PIK3AP1: variants seen among roughly 807,000 people sequenced by gnomAD.
The protein encoded by PIK3AP1 is phosphoinositide-3-kinase adaptor protein 1.
PIK3AP1 carries 21 observed loss-of-function variants against 88.1 expected under a neutral mutation model. That is an observed-to-expected ratio of 0.24 (90% CI 0.17 to 0.34). The LOEUF (loss-of-function observed/expected upper bound fraction) is 0.34, where lower values mean the gene tolerates loss of function less well. PIK3AP1 is among the 10% of genes least tolerant of loss of function. PIK3AP1 has a pLI of 1.00. For missense variants in PIK3AP1, 828 were observed against 1,035.7 expected (o/e 0.80, Z 2.75); for synonymous variants, 398 against 400.0 (o/e 1.00, Z 0.06).
At chr10:96,706,060 AT>A (rs1256024919) in intron 2 of PIK3AP1, among the ~76,000 whole-genome samples, 1 of 150,824 alleles carries the variant, frequency 6.6e-6, no homozygotes, top group Admixed American at 6.6e-5. Flanking sequence ...CGCCCGACTA[AT>A]TTTTTGTATT....
intron 1 of PIK3AP1, among the ~76,000 whole-genome samples, chr10:96,713,503 TAAAAAAAAAAAA>T (rs566830672): frequency 1.2e-5 from 1 of 84,932 alleles, no homozygotes; most frequent in Non-Finnish European, 2.4e-5. Flanking sequence ...GACTCCGTCT[TAAAAAAAAAAAA>T]AAAAAAAAAA....
Position 96,709,884 on chromosome 10 carries a change from C to T in PIK3AP1, c.113G>A (p.Arg38His), listed in dbSNP as rs770855063. The T allele has an allele frequency of 6.8e-6, 11 of 1,613,550 alleles. No individual in the cohort carries two copies. The highest frequency in any genetic ancestry group is 2.2e-5 in the East Asian group (1 of 44,886). The change falls in exon 2 of 17, where the codon CGC (arginine) becomes CAC (histidine). Residue 38 changes from arginine (R) to histidine (H), a missense_variant. Arg to His is a conservative substitution (Grantham distance 29). Coordinates refer to ENST00000339364, the MANE Select transcript of PIK3AP1 (RefSeq NM_152309.3). ...QTLFLSSRQV[R>H]SQKILTHRLG... ...CCTGTGAGTCAGTATCTTCTGGCTG[C>T]GGACCTGCCGACTGGACAGGAACAG...
At chr10:96,647,317 T>G (rs1259148988) in intron 7 of PIK3AP1, among the ~76,000 whole-genome samples, 1 of 152,254 alleles carries the variant, frequency 6.6e-6, no homozygotes, top group African/African-American at 2.4e-5. Context: ...TTTGCCTTTC[T>G]AAGCCGTTTT....
intron 16 of PIK3AP1, among the ~76,000 whole-genome samples, chr10:96,596,691 G>T (rs1848758694): frequency 6.6e-6 from 1 of 152,104 alleles, no homozygotes; most frequent in Non-Finnish European, 1.5e-5. Context: ...ATTCTGTATG[G>T]TTTTTGAACA....
At chr10:96,661,357 A>G (rs571368958) in intron 2 of PIK3AP1, among the ~76,000 whole-genome samples, 38 of 152,312 alleles carry the variant, frequency 2.5e-4, no homozygotes, top group Admixed American at 3.9e-4. Flanking sequence ...ATGATACTAT[A>G]CTGGTGGGTG....
chr10:96,629,945 G>GAAGAAA (rs1843222815), intron 8 of PIK3AP1, among the ~76,000 whole-genome samples: 2 of 67,534 alleles, frequency 3.0e-5, no homozygotes, highest in Admixed American at 1.5e-4. Flanking sequence ...AGAAGAAGAA[G>GAAGAAA]AAGAAGAAGA....
intron 2 of PIK3AP1, among the ~76,000 whole-genome samples, chr10:96,707,639 T>C (rs1844382235): frequency 6.6e-6 from 1 of 152,128 alleles, no homozygotes; most frequent in Non-Finnish European, 1.5e-5. Context: ...GCGTACAGTA[T>C]GAGATGCCCA....
chr10:96,595,352 C>T lies in PIK3AP1; in HGVS notation c.*225G>A, dbSNP rs1407178772. The stretch of plus-strand genomic sequence containing the variant: ...CCTTTTGGCAAACAAGTATATGGTT[C>T]GATATACTTGGTGATGGTGAATGAA... On this transcript the variant is annotated 3_prime_UTR_variant, in exon 17 of 17. Coordinates refer to ENST00000339364, the MANE Select transcript of PIK3AP1 (RefSeq NM_152309.3). 7.2e-6 allele frequency: 4 copies of T among 557,744 alleles called. No homozygotes were observed. In the South Asian group the frequency reaches 9.6e-5, roughly 13 times the overall value. 34.5% of individuals were successfully genotyped at this position (557,744 alleles called of 1,614,324 possible).
chr10:96,668,513 A>C (rs1185569682), intron 2 of PIK3AP1, among the ~76,000 whole-genome samples: 1 of 152,236 alleles, frequency 6.6e-6, no homozygotes, highest in Non-Finnish European at 1.5e-5. Flanking sequence ...TACAAGGAAA[A>C]AGAAAGTGAG....
chr10:96,661,835 GAAAGGGA>G (rs1843692130), intron 2 of PIK3AP1, among the ~76,000 whole-genome samples: 1 of 130,368 alleles, frequency 7.7e-6, no homozygotes, highest in African/African-American at 2.9e-5. Context: ...GACAGGAAAG[GAAAGGGA>G]AAAGGGAAAG....
At chr10:96,717,388 A>G (rs913455351) in intron 1 of PIK3AP1, among the ~76,000 whole-genome samples, 5 of 152,082 alleles carry the variant, frequency 3.3e-5, no homozygotes, top group African/African-American at 9.7e-5. Flanking sequence ...TCCATCCTGG[A>G]GCCCCATGTT....
intron 14 of PIK3AP1, among the ~76,000 whole-genome samples, chr10:96,609,181 A>G (rs138052230): frequency 2.6e-4 from 40 of 152,342 alleles, no homozygotes; most frequent in African/African-American, 9.1e-4. Flanking sequence ...TTACTTGAGT[A>G]CATTGTTTTC....
intron 12 of PIK3AP1, 33 bp downstream of exon 12, chr10:96,620,319 G>A: frequency 1.2e-6 from 2 of 1,606,148 alleles, no homozygotes; most frequent in Non-Finnish European, 1.7e-6. Flanking sequence ...TGGGGAAATA[G>A]ACATGAAACA....
chr10:96,597,602 CTG>C (rs1848800581), intron 16 of PIK3AP1, among the ~76,000 whole-genome samples: 1 of 152,018 alleles, frequency 6.6e-6, no homozygotes, highest in Non-Finnish European at 1.5e-5. Context: ...GCATATATCT[CTG>C]TGTGTGCAAG....
intron 12 of PIK3AP1, among the ~76,000 whole-genome samples, chr10:96,617,180 C>T (rs1379550250): frequency 6.6e-6 from 1 of 152,218 alleles, no homozygotes; most frequent in Non-Finnish European, 1.5e-5. Context: ...CATGTGTGCA[C>T]ACTCTTGTGC....
chr10:96,709,808 GCT>G lies in PIK3AP1; in HGVS notation c.187_188del (p.Ser63HisfsTer64), dbSNP rs1564991685. ...FSAEDLSLFL[S>X]TRCVVVLLSA... ...ACAGCAGCACCACGACACAGCGGGT[GCT>G]GAGGAAAAGGCTTAGGTCCTCTGCC... On this transcript the variant is annotated frameshift_variant, in exon 2 of 17. Transcript: ENST00000339364. LOFTEE classifies it high-confidence loss of function. 1 of 1,613,720 alleles carries G rather than the reference GCT, an allele frequency of 6.2e-7. No homozygotes were observed. The highest frequency in any genetic ancestry group is 8.5e-7 in the Non-Finnish European group (1 of 1,179,700).
intron 14 of PIK3AP1, among the ~76,000 whole-genome samples, chr10:96,607,802 C>G (rs1454448132): frequency 1.3e-5 from 2 of 152,166 alleles, no homozygotes; most frequent in African/African-American, 4.8e-5. Flanking sequence ...CATGAATGAC[C>G]CCAGCCGATG....
Position 96,595,411 on chromosome 10 carries a change from A to C in PIK3AP1, c.*166T>G. ...TTTTTCACTTCTTCGTGCCTTAATA[A>C]AATCTTCGAGGCAAGCCCAAACCAG... On this transcript the variant is annotated 3_prime_UTR_variant, in exon 17 of 17. Transcript: ENST00000339364. 1 of 709,200 alleles carries C rather than the reference A, an allele frequency of 1.4e-6. No individual in the cohort carries two copies. 43.9% of individuals were successfully genotyped at this position (709,200 alleles called of 1,614,324 possible).
intron 8 of PIK3AP1, among the ~76,000 whole-genome samples, chr10:96,629,837 T>G (rs1358526725): frequency 2.2e-5 from 3 of 139,250 alleles, no homozygotes; most frequent in African/African-American, 8.2e-5. Context: ...AAGGCAGCAA[T>G]GAACTGTGAT....
Sources: allele counts gnomAD v4.1 joint callset (sites outside exome capture counted in the v4.1 genomes callset), GRCh38; gene constraint gnomAD v4.1.1; transcripts MANE v1.5; gene names NCBI Gene and HGNC (gene_info 2026-07-23, HGNC 2026-07-21).